ITPR1: variants seen among roughly 807,000 people sequenced by gnomAD.
The protein encoded by ITPR1 is inositol 1,4,5-trisphosphate receptor type 1.
ITPR1 carries 96 observed loss-of-function variants against 318.4 expected under a neutral mutation model. The observed-to-expected ratio is 0.30, with a 90% CI of 0.26 to 0.36. The LOEUF is 0.36. Among genes scored for constraint, ITPR1 ranks in the 10% least tolerant of loss-of-function variants. The pLI, the probability that ITPR1 is intolerant of heterozygous loss-of-function variation, is 1.00. For synonymous variants in ITPR1, 1,312 were observed against 1,289.9 expected (o/e 1.02, Z -0.37); for missense variants, 2,440 against 3,460.2 (o/e 0.71, Z 7.40).
rs138987634 is a variant in ITPR1, at chr3:4,572,551, A to T, written c.163+51457A>T. Among the ~76,000 whole-genome samples, 1,418 of 152,362 alleles carry T rather than the reference A, an allele frequency of 9.3e-3. 21 individuals carry two copies. Among genetic ancestry groups the T allele is most frequent in the African/African-American group, 0.032 (1,339 of 41,582 alleles). On this transcript the variant is annotated intron_variant, in intron 4 of 61. Coordinates refer to ENST00000649015, the MANE Select transcript of ITPR1 (RefSeq NM_001378452.1). ...ATTTTTATTTACTAATATCACAAGCATAATAGATAATGTGAGTTTCATTTT... is the reference window on the plus strand; with the variant it reads ...ATTTTTATTTACTAATATCACAAGCTTAATAGATAATGTGAGTTTCATTTT...
intron 60 of ITPR1, among the ~76,000 whole-genome samples, chr3:4,827,744 T>C (rs1411946168): frequency 6.6e-6 from 1 of 152,166 alleles, no homozygotes; most frequent in African/African-American, 2.4e-5. Flanking sequence ...GGTGTGATCC[T>C]TAGGGTCTGA....
intron 4 of ITPR1, among the ~76,000 whole-genome samples, chr3:4,613,555 C>T (rs1345510087): frequency 6.6e-6 from 1 of 152,146 alleles, no homozygotes; most frequent in East Asian, 1.9e-4. Context: ...GACGCAAATA[C>T]CAAGGCCATA....
At chr3:4,644,542 A>G (rs987535726) in intron 8 of ITPR1, among the ~76,000 whole-genome samples, 1 of 152,168 alleles carries the variant, frequency 6.6e-6, no homozygotes, top group Non-Finnish European at 1.5e-5. Flanking sequence ...TTCTGGCCAT[A>G]GGAGCACCTT....
At chr3:4,721,501 G>T (rs1177816505) in intron 40 of ITPR1, among the ~76,000 whole-genome samples, 5 of 152,030 alleles carry the variant, frequency 3.3e-5, no homozygotes, top group South Asian at 4.2e-4. Context: ...CTTAGTGTGG[G>T]TTTTCAGAGG....
At chr3:4,751,559 G>A (rs1393929008) in intron 44 of ITPR1, 1 of 152,196 alleles carries the variant, frequency 6.6e-6, no homozygotes, top group Non-Finnish European at 1.5e-5. Flanking sequence ...TTTTTAAAAA[G>A]CCAAACCCAC....
At chr3:4,767,278 G>T (rs573600996) in intron 45 of ITPR1, among the ~76,000 whole-genome samples, 28 of 152,274 alleles carry the variant, frequency 1.8e-4, no homozygotes, top group Middle Eastern at 3.4e-3. Context: ...GGACTGTCTG[G>T]CTGTCCTGTG....
chr3:4,760,641 GC>G lies in ITPR1; in HGVS notation c.5545-5887del, dbSNP rs1483291563. Among the ~76,000 whole-genome samples the G allele has an allele frequency of 3.3e-5, 5 of 152,174 alleles. No homozygotes were observed. The East Asian group carries it at 9.6e-4, about 29-fold the overall frequency. On this transcript the variant is annotated intron_variant, in intron 44 of 61. Transcript: ENST00000649015. ...ACTAGACTAAAGCAAGTGTTGGCAG[GC>G]CAGCGCTCCTTTCTGGAGGCTCTAG...
At chr3:4,748,557 C>G (rs2044271877) in intron 44 of ITPR1, among the ~76,000 whole-genome samples, 1 of 152,116 alleles carries the variant, frequency 6.6e-6, no homozygotes, top group Admixed American at 6.5e-5. Context: ...AGAAGAAAGG[C>G]TCTTCCTCAG....
chr3:4,622,346 C>G (rs916309859), intron 4 of ITPR1, among the ~76,000 whole-genome samples: 1 of 150,922 alleles, frequency 6.6e-6, no homozygotes, highest in African/African-American at 2.4e-5. Flanking sequence ...ATCTCTTGAC[C>G]TCGTGATCCG....
chr3:4,815,059 C>G lies in ITPR1; in HGVS notation c.7708C>G (p.Leu2570Val). ...VLRKPSKEEP[L>V]FAARVIYDLL... Reference sequence around the variant, plus strand: ...AGACACCTCTCTTTTCCAGGAACCCCTGTTTGCTGCTAGAGTTATTTATGA... The same window carrying G: ...AGACACCTCTCTTTTCCAGGAACCCGTGTTTGCTGCTAGAGTTATTTATGA... Residue 2570 changes from leucine (L) to valine (V), a missense_variant, in exon 59 of 62, where the codon CTG becomes GTG. Leu to Val is a conservative substitution (Grantham distance 32, BLOSUM62 1). Transcript: ENST00000649015. 6.2e-7 allele frequency: 1 copy of G among 1,610,198 alleles called. No individual in the cohort carries two copies. Among genetic ancestry groups the G allele is most frequent in the Non-Finnish European group, 8.5e-7 (1 of 1,177,402 alleles).
intron 4 of ITPR1, among the ~76,000 whole-genome samples, chr3:4,593,211 A>G (rs1478875866): frequency 2.0e-5 from 3 of 152,220 alleles, no homozygotes; most frequent in Non-Finnish European, 4.4e-5. Context: ...ACTGTCTAAC[A>G]ATACCTGTTG....
At chr3:4,538,603 T>G (rs1002411938) in intron 4 of ITPR1, among the ~76,000 whole-genome samples, 2 of 152,224 alleles carry the variant, frequency 1.3e-5, no homozygotes, top group African/African-American at 4.8e-5. Flanking sequence ...ACATGTATGT[T>G]CATTGCAGCA....
Position 4,609,613 on chromosome 3 carries a change from A to G in ITPR1, c.164-18150A>G, listed in dbSNP as rs1317845038. On this transcript the variant is annotated intron_variant, in intron 4 of 61. Transcript: ENST00000649015. ...TGGGAAATGCTGGGATGGAGGGGGA[A>G]GGACTCTGGTGCTCAGGGCTGGGTC... is the stretch of plus-strand genomic sequence containing the variant. 2.0e-5 allele frequency among the ~76,000 whole-genome samples: 3 copies of G among 151,704 alleles called. No individual in the cohort carries two copies. In the East Asian group the frequency reaches 5.8e-4, roughly 29 times the overall value.
chr3:4,570,833 G>A (rs556529000), intron 4 of ITPR1, among the ~76,000 whole-genome samples: 2 of 152,316 alleles, frequency 1.3e-5, no homozygotes, highest in East Asian at 3.9e-4. Flanking sequence ...TATATATGAT[G>A]CATCAGTTAT....
chr3:4,518,934 G>T (rs1376443732), intron 3 of ITPR1, among the ~76,000 whole-genome samples: 1 of 152,128 alleles, frequency 6.6e-6, no homozygotes, highest in Non-Finnish European at 1.5e-5. Flanking sequence ...AAAACAAGAC[G>T]GGCAGGATTC....
chr3:4,819,642 C>T (rs965298510), intron 60 of ITPR1, among the ~76,000 whole-genome samples: 3 of 152,166 alleles, frequency 2.0e-5, no homozygotes, highest in Non-Finnish European at 4.4e-5. Flanking sequence ...ATCCTCTCAC[C>T]TCTAGTATTG....
intron 24 of ITPR1, among the ~76,000 whole-genome samples, chr3:4,678,340 T>G (rs1424030331): frequency 6.6e-6 from 1 of 152,122 alleles, no homozygotes; most frequent in Non-Finnish European, 1.5e-5. Context: ...AATATACATA[T>G]AAAATTTGCA....
At chr3:4,514,681 T>A (rs768265248) in intron 2 of ITPR1, among the ~76,000 whole-genome samples, 41 of 152,176 alleles carry the variant, frequency 2.7e-4, no homozygotes, top group Non-Finnish European at 5.4e-4. Flanking sequence ...CCTTTCGGGA[T>A]GCCAGGGTGT....
At chr3:4,686,366 A>T (rs1217800910) in intron 30 of ITPR1, among the ~76,000 whole-genome samples, 1 of 152,228 alleles carries the variant, frequency 6.6e-6, no homozygotes, top group Non-Finnish European at 1.5e-5. Context: ...TGTCGTAGGT[A>T]TAATACCTAG....
Sources: gnomAD v4.1 joint callset for allele counts (sites outside exome capture counted in the v4.1 genomes callset) on GRCh38, gnomAD v4.1.1 for gene constraint, MANE v1.5 for transcripts, NCBI Gene and HGNC (gene_info 2026-07-23, HGNC 2026-07-21) for gene names.